The following ZNF503 variants were observed in gnomAD, a reference collection of about 807,000 sequenced individuals.
The protein encoded by ZNF503 is NocA-like zinc finger 2.
A neutral mutation model predicts 34.4 loss-of-function variants in ZNF503; 15 were observed. The ratio of observed to expected loss-of-function variants is 0.44; its 90% confidence interval spans 0.29 to 0.67. ZNF503 has a LOEUF of 0.67. Ranked by LOEUF, ZNF503 falls within the 30% of genes least tolerant of loss-of-function variation. The probability of loss-of-function intolerance (pLI) is 0.13; values close to 1 mark genes in which losing one functional copy is unlikely to be tolerated. For missense variants in ZNF503, 1,007 were observed against 926.8 expected (o/e 1.09, Z -1.12); for synonymous variants, 580 against 456.8 (o/e 1.27, Z -3.44).
At chr10:75,362,588 G>A in the ZNF503 span, among the ~76,000 whole-genome samples, 1 of 152,248 alleles carries the variant, frequency 6.6e-6, no homozygotes, top group East Asian at 1.9e-4. Context: ...TAAATGTATG[G>A]CTATATTATG....
chr10:75,300,635 C>A, the ZNF503 span, among the ~76,000 whole-genome samples: 1 of 151,846 alleles, frequency 6.6e-6, no homozygotes, highest in Non-Finnish European at 1.5e-5. Context: ...TCTGCCATGG[C>A]TTCAGCCAGT....
chr10:75,378,183 T>G, the ZNF503 span, among the ~76,000 whole-genome samples: 1 of 152,062 alleles, frequency 6.6e-6, no homozygotes, highest in Non-Finnish European at 1.5e-5. Context: ...GGGGATTACA[T>G]TTCAACATGA....
At chr10:75,313,379 C>G in the ZNF503 span, among the ~76,000 whole-genome samples, 1 of 152,140 alleles carries the variant, frequency 6.6e-6, no homozygotes, top group Non-Finnish European at 1.5e-5. Flanking sequence ...CACAAGGTAG[C>G]ACAGCTCAGT....
At chr10:75,308,481 A>G in the ZNF503 span, among the ~76,000 whole-genome samples, 1 of 152,224 alleles carries the variant, frequency 6.6e-6, no homozygotes, top group Non-Finnish European at 1.5e-5. Context: ...CTTAATAGTC[A>G]AGAAATACAT....
the ZNF503 span, among the ~76,000 whole-genome samples, chr10:75,369,695 C>T: frequency 6.6e-6 from 1 of 152,042 alleles, no homozygotes; most frequent in African/African-American, 2.4e-5. Flanking sequence ...ATTGAGAAAA[C>T]AATGCAGTTT....
the ZNF503 span, among the ~76,000 whole-genome samples, chr10:75,282,498 C>G: frequency 8.8e-4 from 134 of 152,340 alleles, 1 homozygote; most frequent in African/African-American, 3.0e-3. Context: ...TGCTCCAGCT[C>G]TGGATGGCCC....
chr10:75,348,351 C>A, the ZNF503 span, among the ~76,000 whole-genome samples: 2 of 151,988 alleles, frequency 1.3e-5, no homozygotes, highest in East Asian at 1.9e-4. Flanking sequence ...CATGGGCCAC[C>A]GTGCCTGGCC....
At chr10:75,338,084 T>A in the ZNF503 span, among the ~76,000 whole-genome samples, 10 of 152,336 alleles carry the variant, frequency 6.6e-5, no homozygotes, top group South Asian at 2.1e-3. Flanking sequence ...ACCTCAGAGA[T>A]CAAATGTTCC....
chr10:75,313,183 C>T, the ZNF503 span, among the ~76,000 whole-genome samples: 2 of 152,240 alleles, frequency 1.3e-5, no homozygotes, highest in Admixed American at 6.5e-5. Flanking sequence ...GGAGGTAGAG[C>T]GATGTCAGCA....
chr10:75,311,890 A>C, the ZNF503 span, among the ~76,000 whole-genome samples: 1 of 151,476 alleles, frequency 6.6e-6, no homozygotes, highest in African/African-American at 2.4e-5. Context: ...GGCGTGCACC[A>C]CCACACCCAG....
At chr10:75,302,725 C>G in the ZNF503 span, among the ~76,000 whole-genome samples, 1 of 152,162 alleles carries the variant, frequency 6.6e-6, no homozygotes, top group Non-Finnish European at 1.5e-5. Flanking sequence ...GAACTGCAAC[C>G]TCAGATTGAT....
chr10:75,367,758 G>C, the ZNF503 span, among the ~76,000 whole-genome samples: 1 of 152,058 alleles, frequency 6.6e-6, no homozygotes, highest in Admixed American at 6.6e-5. Context: ...GTTCAAACTG[G>C]GTCACCTACT....
the ZNF503 span, among the ~76,000 whole-genome samples, chr10:75,341,758 C>T: frequency 1.3e-5 from 2 of 152,168 alleles, no homozygotes; most frequent in Admixed American, 1.3e-4. Context: ...CTACAAATTA[C>T]ATGTAGGACA....
chr10:75,293,468 C>G, the ZNF503 span, among the ~76,000 whole-genome samples: 1 of 152,156 alleles, frequency 6.6e-6, no homozygotes, highest in Non-Finnish European at 1.5e-5. Context: ...TTCTTCACAC[C>G]TGAGCTGGCC....
the ZNF503 span, among the ~76,000 whole-genome samples, chr10:75,390,195 T>A: frequency 1.8e-4 from 27 of 152,230 alleles, no homozygotes; most frequent in Non-Finnish European, 2.5e-4. Context: ...TTTTTTTTTT[T>A]AATCAGTAAC....
the ZNF503 span, among the ~76,000 whole-genome samples, chr10:75,330,292 CAGGG>C: frequency 2.0e-5 from 3 of 152,264 alleles, no homozygotes; most frequent in South Asian, 6.2e-4. Context: ...CTGTCTTCAT[CAGGG>C]AGATTGGCTG....
At chr10:75,383,164 G>T in the ZNF503 span, among the ~76,000 whole-genome samples, 1 of 152,176 alleles carries the variant, frequency 6.6e-6, no homozygotes, top group African/African-American at 2.4e-5. Flanking sequence ...CTGGGAGAAG[G>T]TTGGGCTTTT....
the ZNF503 span, among the ~76,000 whole-genome samples, chr10:75,362,056 A>G: frequency 6.6e-6 from 1 of 152,238 alleles, no homozygotes; most frequent in African/African-American, 2.4e-5. Context: ...TAGTTAGCCC[A>G]GCTTCCCTAC....
the ZNF503 span, among the ~76,000 whole-genome samples, chr10:75,385,507 G>A: frequency 1.3e-5 from 2 of 152,220 alleles, no homozygotes; most frequent in South Asian, 4.1e-4. Flanking sequence ...CATGTGGCTG[G>A]CACTTGACAC....
Sources: allele counts gnomAD v4.1 joint callset (sites outside exome capture counted in the v4.1 genomes callset), GRCh38; gene constraint gnomAD v4.1.1; transcripts MANE v1.5; gene names NCBI Gene and HGNC (gene_info 2026-07-23, HGNC 2026-07-21).